Variants in COL8A1 observed in about 807,000 individuals in gnomAD.
The protein encoded by COL8A1 is collagen alpha-1(VIII) chain.
In COL8A1, 21 loss-of-function variants were observed where a neutral mutation model predicts 42.7. The observed-to-expected ratio is 0.49, with a 90% CI of 0.35 to 0.71. The LOEUF (loss-of-function observed/expected upper bound fraction) is 0.71, where lower values mean the gene tolerates loss of function less well. COL8A1 is among the 30% of genes least tolerant of loss of function. COL8A1 has a pLI of 0.01. For synonymous variants in COL8A1, 367 were observed against 369.1 expected, an observed-to-expected ratio of 0.99 and a Z score of 0.06; for missense variants, 788 against 962.4, an observed-to-expected ratio of 0.82 and a Z score of 2.40.
chr3:99,661,735 G>A (rs1353202716), intron 1 of COL8A1, among the ~76,000 whole-genome samples: 1 of 152,136 alleles, frequency 6.6e-6, no homozygotes, highest in Admixed American at 6.6e-5. Flanking sequence ...TTCACTGATG[G>A]ATGAATGGAT....
chr3:99,796,096 T>A lies in COL8A1; in HGVS notation c.2195T>A (p.Val732Asp). 1.3e-6 allele frequency: 2 copies of A among 1,550,696 alleles called. No individual in the cohort carries two copies. Among genetic ancestry groups the A allele is most frequent in the Non-Finnish European group, 1.7e-6 (2 of 1,146,862 alleles). ...QAAGLYAGQY[V>D]HSSFSGYLLY... ...GCAGGACTGTATGCCGGGCAGTATG[T>A]CCACTCCTCCTTTTCAGGATATTTA... The change falls in exon 4 of 4, where the codon GTC (valine) becomes GAC (aspartate). Residue 732 changes from valine to aspartate, a missense_variant. By Grantham distance (152) the Val-to-Asp change is radical (BLOSUM62 -3). Coordinates refer to ENST00000652472, the MANE Select transcript of COL8A1 (RefSeq NM_020351.4).
At chr3:99,661,458 A>G (rs961752212) in intron 1 of COL8A1, among the ~76,000 whole-genome samples, 2 of 152,188 alleles carry the variant, frequency 1.3e-5, no homozygotes, top group South Asian at 2.1e-4. Context: ...AAAAACAAAA[A>G]CCAGAAAATG....
intron 1 of COL8A1, among the ~76,000 whole-genome samples, chr3:99,669,123 T>TTACATATA (rs1938452778): frequency 2.1e-5 from 2 of 96,580 alleles, no homozygotes; most frequent in African/African-American, 8.2e-5. Context: ...CTTAAAAAAA[T>TTACATATA]TATATATATA....
In COL8A1 at chr3:99,778,922, G is replaced by C. The variant is rs554574995; in HGVS notation, c.-3-11758G>C. 6.6e-5 allele frequency among the ~76,000 whole-genome samples: 10 copies of C among 152,324 alleles called. No homozygotes were observed. In the East Asian group the frequency reaches 1.9e-3, roughly 29 times the overall value. On this transcript the variant is annotated intron_variant, in intron 2 of 3. Coordinates refer to ENST00000652472, the MANE Select transcript of COL8A1 (RefSeq NM_020351.4). Reference sequence around the variant, plus strand: ...ACTAAGTGCAAAGAGAATTCCCAAAGATAAAGGTTTGATTCTATTCCCCCA... The same window carrying C: ...ACTAAGTGCAAAGAGAATTCCCAAACATAAAGGTTTGATTCTATTCCCCCA...
intron 1 of COL8A1, among the ~76,000 whole-genome samples, chr3:99,648,165 A>G (rs1374070821): frequency 6.6e-6 from 1 of 152,160 alleles, no homozygotes; most frequent in Admixed American, 6.5e-5. Flanking sequence ...CAATTTAACG[A>G]TGAGAAAAAC....
At chr3:99,682,065 C>G (rs1199176173) in intron 1 of COL8A1, among the ~76,000 whole-genome samples, 4 of 152,122 alleles carry the variant, frequency 2.6e-5, no homozygotes, top group Non-Finnish European at 5.9e-5. Context: ...ACTTTCAAAT[C>G]TAGGAAGGCC....
chr3:99,783,004 CA>C (rs372519285), intron 2 of COL8A1, among the ~76,000 whole-genome samples: 90 of 146,868 alleles, frequency 6.1e-4, no homozygotes, highest in East Asian at 5.5e-3. Context: ...GTTAGAGAAA[CA>C]AAAAAAAAAT....
chr3:99,657,213 C>T (rs1576416513), intron 1 of COL8A1, among the ~76,000 whole-genome samples: 1 of 152,182 alleles, frequency 6.6e-6, no homozygotes, highest in Admixed American at 6.5e-5. Flanking sequence ...AATTGATGAT[C>T]GCATCCCAAG....
Position 99,684,909 on chromosome 3 carries a change from G to A in COL8A1, c.-129+46245G>A, listed in dbSNP as rs1015434886. Among the ~76,000 whole-genome samples the A allele has an allele frequency of 1.3e-4, 20 of 152,130 alleles. 1 individual carries two copies. Among genetic ancestry groups the A allele is most frequent in the Admixed American group, 5.2e-4 (8 of 15,274 alleles). On this transcript the variant is annotated intron_variant, in intron 1 of 3. Transcript: ENST00000652472. ...CTGAATTATCATCCTATTTGCTGGC[G>A]TAATTGCAGTTGGGAGGGGAGAATG...
At chr3:99,712,996 G>A (rs188703724) in intron 1 of COL8A1, among the ~76,000 whole-genome samples, 3 of 152,244 alleles carry the variant, frequency 2.0e-5, no homozygotes, top group African/African-American at 7.2e-5. Context: ...TCACAAAGTT[G>A]AGAACAGTTT....
chr3:99,762,907 G>C (rs1941390977), intron 2 of COL8A1, among the ~76,000 whole-genome samples: 1 of 152,088 alleles, frequency 6.6e-6, no homozygotes. Flanking sequence ...GGCCCAACCT[G>C]GGTAGTACTT....
intron 1 of COL8A1, among the ~76,000 whole-genome samples, chr3:99,731,618 G>A (rs1034911313): frequency 6.6e-6 from 1 of 152,140 alleles, no homozygotes; most frequent in African/African-American, 2.4e-5. Flanking sequence ...CACCTCATCT[G>A]CTGTGCACAG....
chr3:99,772,085 G>T (rs1941590998), intron 2 of COL8A1, among the ~76,000 whole-genome samples: 1 of 152,110 alleles, frequency 6.6e-6, no homozygotes, highest in African/African-American at 2.4e-5. Flanking sequence ...CCAAACTGTG[G>T]CTTTAAGATC....
intron 1 of COL8A1, among the ~76,000 whole-genome samples, chr3:99,647,960 G>A (rs1398811407): frequency 6.6e-6 from 1 of 152,168 alleles, no homozygotes; most frequent in African/African-American, 2.4e-5. Context: ...TATCCCGTAA[G>A]TGGCACAGTT....
chr3:99,775,396 G>C (rs542870721), intron 2 of COL8A1, among the ~76,000 whole-genome samples: 1 of 152,322 alleles, frequency 6.6e-6, no homozygotes, highest in Non-Finnish European at 1.5e-5. Context: ...CAAGATATGG[G>C]AAAAGAGGGC....
At chr3:99,749,107 C>A (rs760207942) in intron 2 of COL8A1, among the ~76,000 whole-genome samples, 2 of 152,078 alleles carry the variant, frequency 1.3e-5, no homozygotes, top group African/African-American at 2.4e-5. Flanking sequence ...TAGCTTATTT[C>A]TGTTATGGAA....
At chr3:99,717,550 T>A (rs1310192004) in intron 1 of COL8A1, among the ~76,000 whole-genome samples, 3 of 152,056 alleles carry the variant, frequency 2.0e-5, no homozygotes, top group Non-Finnish European at 2.9e-5. Context: ...AAATCTTAAC[T>A]GCTCAGAGTG....
At chr3:99,705,672 G>A (rs1576440059) in intron 1 of COL8A1, among the ~76,000 whole-genome samples, 1 of 152,088 alleles carries the variant, frequency 6.6e-6, no homozygotes, top group Admixed American at 6.6e-5. Flanking sequence ...AGCACAAAAA[G>A]ACAATGATTC....
intron 1 of COL8A1, among the ~76,000 whole-genome samples, chr3:99,663,309 G>A (rs1159803081): frequency 1.3e-5 from 2 of 152,148 alleles, no homozygotes; most frequent in African/African-American, 2.4e-5. Context: ...GAAACTACAG[G>A]TGCAGGCCAC....
Sources: gnomAD v4.1 joint callset for allele counts (sites outside exome capture counted in the v4.1 genomes callset) on GRCh38, gnomAD v4.1.1 for gene constraint, MANE v1.5 for transcripts, NCBI Gene and HGNC (gene_info 2026-07-23, HGNC 2026-07-21) for gene names.